The following ALMS1 variants were observed in gnomAD, a reference collection of about 807,000 sequenced individuals.
ALMS1 encodes ALMS1 centrosome and basal body associated protein, also known as centrosome-associated protein ALMS1.
ALMS1 carries 271 observed loss-of-function variants against 352.2 expected under a neutral mutation model. The observed-to-expected ratio is 0.77, with a 90% CI of 0.70 to 0.85. The LOEUF is 0.85. ALMS1 is among the 40% of genes least tolerant of loss of function. The probability of loss-of-function intolerance (pLI) is 0.00; values close to 1 mark genes in which losing one functional copy is unlikely to be tolerated. For synonymous variants in ALMS1, 1,865 were observed against 1,761.2 expected (o/e 1.06, Z -1.48); for missense variants, 5,445 against 4,870.7 (o/e 1.12, Z -3.51).
chr2:73,535,058 A>G (rs1037299170), intron 12 of ALMS1, 109 bp downstream of exon 12: 3 of 1,402,396 alleles, frequency 2.1e-6, no homozygotes, highest in Non-Finnish European at 3.0e-6. Context: ...TTTCAGTGAA[A>G]TATGGAACTT....
intron 9 of ALMS1, among the ~76,000 whole-genome samples, chr2:73,486,932 G>A (rs1443927899): frequency 6.6e-6 from 1 of 152,162 alleles, no homozygotes; most frequent in African/African-American, 2.4e-5. Context: ...GCATGTGCCT[G>A]TTGTCCCAGC....
chr2:73,581,505 GTTC>G (rs1389960000), intron 16 of ALMS1, among the ~76,000 whole-genome samples: 2 of 152,340 alleles, frequency 1.3e-5, no homozygotes, highest in Non-Finnish European at 2.9e-5. Context: ...ATGCTACAAA[GTTC>G]TTCTACCTTG....
chr2:73,555,917 C>T (rs1448239046), intron 13 of ALMS1, among the ~76,000 whole-genome samples: 2 of 152,010 alleles, frequency 1.3e-5, no homozygotes, highest in Non-Finnish European at 2.9e-5. Flanking sequence ...TTGTACCCTT[C>T]GTATAAGGTT....
At position 73,422,935 on chromosome 2, in the gene ALMS1, C is replaced by A. The variant is rs769253542; in HGVS notation, c.725C>A (p.Ser242Tyr). Residue 242 changes from serine (S) to tyrosine (Y), a missense_variant, in exon 4 of 23, where the codon TCT (serine) becomes TAT (tyrosine). Coordinates refer to ENST00000613296, the MANE Select transcript of ALMS1 (RefSeq NM_001378454.1). ...LTQDQEFAPD[S>Y]LFHQSELSFA... is the part of the protein sequence containing the mutation. ...CAAGACCAAGAATTTGCGCCTGATT[C>A]TTTATTTCATCAAAGTGAACTAAGT... 6.2e-7 allele frequency: 1 copy of A among 1,613,606 alleles called. No individual in the cohort carries two copies. The highest frequency in any genetic ancestry group is 2.2e-5 in the East Asian group (1 of 44,858).
intron 1 of ALMS1, among the ~76,000 whole-genome samples, chr2:73,388,871 C>G (rs1670589739): frequency 6.6e-6 from 1 of 152,048 alleles, no homozygotes. Flanking sequence ...CTTGGCTTCC[C>G]AAAGTGCTGG....
Position 73,451,098 on chromosome 2 carries a change from C to G in ALMS1, c.4571C>G (p.Ser1524Ter), listed in dbSNP as rs1558649531. The change falls in exon 8 of 23, where the codon TCA (serine) becomes TGA (stop). Residue 1524 changes from serine to a stop codon, truncating the protein, a stop_gained. Transcript: ENST00000613296. LOFTEE classifies it high-confidence loss of function. ...CCAACTATAACCTCTCCTTCCTACT[C>G]ACAACATAGAGCAAAGTCTGGCAGT... Reference protein sequence around the residue: ...GAPTITSPSYSQHRAKSGSFY... With the variant: ...GAPTITSPSY 3.1e-6 allele frequency: 5 copies of G among 1,613,802 alleles called. No homozygotes were observed. Among genetic ancestry groups the G allele is most frequent in the Non-Finnish European group, 4.2e-6 (5 of 1,179,922 alleles).
chr2:73,493,605 C>G (rs933645845), intron 10 of ALMS1, among the ~76,000 whole-genome samples: 22 of 151,754 alleles, frequency 1.4e-4, no homozygotes, highest in African/African-American at 5.1e-4. Context: ...GCTTGTAATC[C>G]CAGCTACTCA....
At position 73,559,830 on chromosome 2, in the gene ALMS1, T is replaced by A. The variant is rs75687812; in HGVS notation, c.10384+688T>A. 3.3e-4 allele frequency among the ~76,000 whole-genome samples: 51 copies of A among 152,290 alleles called. No individual in the cohort carries two copies. The East Asian group carries it at 9.6e-3, about 29-fold the overall frequency. On this transcript the variant is annotated intron_variant, in intron 15 of 22. Transcript: ENST00000613296. ...TGTTGGGAAAACTAGATATCCACATTTAAAAGAATAAAGGTGGACCTTTTC... is the reference window on the plus strand; with the variant it reads ...TGTTGGGAAAACTAGATATCCACATATAAAAGAATAAAGGTGGACCTTTTC...
intron 5 of ALMS1, 112 bp downstream of exon 5, chr2:73,425,014 A>G (rs1671353757): frequency 2.2e-6 from 2 of 922,898 alleles, no homozygotes; most frequent in African/African-American, 1.7e-5. Context: ...TGGAACAAAG[A>G]GGGAACTTTG....
chr2:73,564,341 C>T (rs1006190829), intron 15 of ALMS1, among the ~76,000 whole-genome samples: 3 of 151,680 alleles, frequency 2.0e-5, no homozygotes, highest in East Asian at 1.9e-4. Flanking sequence ...CGGTGCATGC[C>T]GATAATCCCA....
chr2:73,472,755 G>A (rs542062970), intron 9 of ALMS1, among the ~76,000 whole-genome samples: 3 of 152,164 alleles, frequency 2.0e-5, no homozygotes, highest in African/African-American at 7.2e-5. Flanking sequence ...GTTAGCACGA[G>A]AAGGATTAGT....
rs1305921569 is a variant in ALMS1 at position 73,386,137 on chromosome 2, C to T, written c.269C>T (p.Pro90Leu). Residue 90 changes from proline to leucine, a missense_variant, in exon 1 of 23, where the codon CCG (proline) becomes CTG (leucine). Pro to Leu is a moderately conservative substitution (Grantham distance 98). Transcript: ENST00000613296. ...LQAHPGRILP[P>L]LSPPQHRYSE... ...GCGCACCCCGGCAGGATTTTGCCTC[C>T]GCTGTCGCCCCCGCAGCACCGCTAC... The T allele has an allele frequency of 1.9e-6, 3 of 1,562,978 alleles. No homozygotes were observed. Among genetic ancestry groups the T allele is most frequent in the Middle Eastern group, 1.7e-4 (1 of 6,022 alleles).
chr2:73,482,227 C>T, intron 9 of ALMS1, among the ~76,000 whole-genome samples: 1 of 152,124 alleles, frequency 6.6e-6, no homozygotes, highest in Non-Finnish European at 1.5e-5. Context: ...TCATAGATAA[C>T]TCTTATTATT....
At chr2:73,579,982 C>A (rs561025729) in intron 16 of ALMS1, among the ~76,000 whole-genome samples, 1 of 152,262 alleles carries the variant, frequency 6.6e-6, no homozygotes, top group South Asian at 2.1e-4. Context: ...CCCTTTCTTT[C>A]TCTCTTCTTT....
At chr2:73,527,956 T>A (rs1207169326) in intron 11 of ALMS1, among the ~76,000 whole-genome samples, 1 of 152,124 alleles carries the variant, frequency 6.6e-6, no homozygotes, top group Non-Finnish European at 1.5e-5. Context: ...GTTTCCATTA[T>A]CATTTGTCTC....
At chr2:73,421,661 T>C (rs1477351378) in intron 3 of ALMS1, among the ~76,000 whole-genome samples, 1 of 152,116 alleles carries the variant, frequency 6.6e-6, no homozygotes, top group Non-Finnish European at 1.5e-5. Flanking sequence ...GTAGACACAG[T>C]TGACAATTTA....
intron 15 of ALMS1, among the ~76,000 whole-genome samples, chr2:73,560,308 C>G (rs1373804996): frequency 2.0e-5 from 3 of 152,150 alleles, no homozygotes. Flanking sequence ...CCCAATCTCT[C>G]TAATCATAAG....
chr2:73,559,797 A>G (rs1674620596), intron 15 of ALMS1, among the ~76,000 whole-genome samples: 1 of 152,224 alleles, frequency 6.6e-6, no homozygotes, highest in Admixed American at 6.5e-5. Context: ...AGTCTCTTCA[A>G]CAAATGGTGT....
intron 21 of ALMS1, among the ~76,000 whole-genome samples, chr2:73,605,000 T>C (rs1392214115): frequency 6.6e-6 from 1 of 152,208 alleles, no homozygotes; most frequent in African/African-American, 2.4e-5. Flanking sequence ...CCGTGAAGGA[T>C]GATGACTGTT....
Sources: gnomAD v4.1 joint callset for allele counts (sites outside exome capture counted in the v4.1 genomes callset) on GRCh38, gnomAD v4.1.1 for gene constraint, MANE v1.5 for transcripts, NCBI Gene and HGNC (gene_info 2026-07-23, HGNC 2026-07-21) for gene names.